The following RNF32 variants were observed in gnomAD, a reference collection of about 807,000 sequenced individuals.
The protein encoded by RNF32 is ring finger protein 32.
A neutral mutation model predicts 41.0 loss-of-function variants in RNF32; 36 were observed. That is an observed-to-expected ratio of 0.88 (90% CI 0.67 to 1.16). The LOEUF (loss-of-function observed/expected upper bound fraction) is 1.16, where lower values mean the gene tolerates loss of function less well. Ranked by LOEUF, RNF32 falls within the 50% of genes most tolerant of loss-of-function variation. The pLI is 0.00. For missense variants in RNF32, 413 were observed against 436.7 expected, an observed-to-expected ratio of 0.95 and a Z score of 0.48; for synonymous variants, 154 against 160.9, an observed-to-expected ratio of 0.96 and a Z score of 0.32.
chr7:156,662,124 G>C (rs1800749443), intron 7 of RNF32, among the ~76,000 whole-genome samples: 1 of 152,168 alleles, frequency 6.6e-6, no homozygotes, highest in African/African-American at 2.4e-5. Context: ...GTAGGTAGTA[G>C]GTGCCTATAT....
chr7:156,667,761 T>C (rs1030362715), intron 7 of RNF32, among the ~76,000 whole-genome samples: 2 of 152,206 alleles, frequency 1.3e-5, no homozygotes, highest in African/African-American at 4.8e-5. Context: ...TTGATTTGAC[T>C]TCTAAAAGTA....
intron 2 of RNF32, among the ~76,000 whole-genome samples, chr7:156,644,258 T>C (rs1375955123): frequency 1.3e-5 from 2 of 152,238 alleles, no homozygotes; most frequent in Non-Finnish European, 2.9e-5. Context: ...TTATGGGTCA[T>C]AATGAATTTA....
chr7:156,641,756 G>A (rs1797356956), intron 1 of RNF32, among the ~76,000 whole-genome samples: 1 of 152,196 alleles, frequency 6.6e-6, no homozygotes, highest in African/African-American at 2.4e-5. Context: ...CAGGTTATAG[G>A]CATTTTGGAA....
chr7:156,674,294 G>A (rs1803304414), intron 7 of RNF32, among the ~76,000 whole-genome samples: 1 of 152,198 alleles, frequency 6.6e-6, no homozygotes, highest in African/African-American at 2.4e-5. Context: ...AGAGACATGA[G>A]CCACGTCCAT....
intron 7 of RNF32, among the ~76,000 whole-genome samples, chr7:156,662,754 GGAAA>G (rs564068002): frequency 2.3e-4 from 35 of 151,592 alleles, no homozygotes; most frequent in African/African-American, 6.3e-4. Flanking sequence ...TAGCAAACGT[GGAAA>G]GAAATTTAAA....
At chr7:156,673,150 T>C (rs1412202256) in intron 7 of RNF32, among the ~76,000 whole-genome samples, 2 of 152,222 alleles carry the variant, frequency 1.3e-5, no homozygotes, top group Non-Finnish European at 1.5e-5. Context: ...TGTCCAAAAC[T>C]AATCTCAGAA....
At chr7:156,648,997 C>A (rs1318235842) in intron 3 of RNF32, among the ~76,000 whole-genome samples, 3 of 152,124 alleles carry the variant, frequency 2.0e-5, no homozygotes, top group Non-Finnish European at 4.4e-5. Flanking sequence ...TTAGATGTCA[C>A]CACAGTTTGT....
At chr7:156,644,030 T>G (rs1268075160) in intron 2 of RNF32, 138 bp downstream of exon 2, 2 of 729,030 alleles carry the variant, frequency 2.7e-6, no homozygotes, top group Non-Finnish European at 4.7e-6. Flanking sequence ...CGATGCCAAG[T>G]GTCGCATGGG....
chr7:156,652,267 G>A (rs544540159), intron 3 of RNF32, among the ~76,000 whole-genome samples: 1 of 151,610 alleles, frequency 6.6e-6, no homozygotes. Flanking sequence ...CTGTTTTTTT[G>A]AGTCTGCTTT....
intron 4 of RNF32, among the ~76,000 whole-genome samples, chr7:156,656,674 C>T (rs568142195): frequency 2.0e-5 from 3 of 152,332 alleles, no homozygotes; most frequent in Admixed American, 1.3e-4. Context: ...CATCCTGGGC[C>T]GGCTGAGATT....
intron 7 of RNF32, among the ~76,000 whole-genome samples, chr7:156,666,748 G>A (rs1468325828): frequency 6.6e-6 from 1 of 152,142 alleles, no homozygotes; most frequent in Non-Finnish European, 1.5e-5. Context: ...ACCTAGCACC[G>A]GTGTGTACAG....
chr7:156,657,192 C>A (rs1260607693), intron 4 of RNF32, among the ~76,000 whole-genome samples: 1 of 152,156 alleles, frequency 6.6e-6, no homozygotes, highest in Non-Finnish European at 1.5e-5. Flanking sequence ...TTTCCCTGGC[C>A]CCACTGGACA....
chr7:156,657,700 AAAG>A, intron 5 of RNF32, 127 bp downstream of exon 5: 1 of 889,318 alleles, frequency 1.1e-6, no homozygotes, highest in Non-Finnish European at 1.9e-6. Flanking sequence ...ATCTATAGTT[AAAG>A]AAACATGACT....
intron 1 of RNF32, chr7:156,641,104 G>A (rs1394023720): frequency 6.6e-6 from 1 of 152,478 alleles, no homozygotes; most frequent in Non-Finnish European, 1.5e-5. Context: ...AACCCGGTAG[G>A]ACCGGCTGCC....
rs759690595 is a variant in RNF32, at chr7:156,676,668, G to A, written c.*13G>A. 6.2e-7 allele frequency: 1 copy of A among 1,601,680 alleles called. No homozygotes were observed. The highest frequency in any genetic ancestry group is 8.6e-7 in the Non-Finnish European group (1 of 1,169,534). ...TCTTGAATGTTGAATTCATAGTCAA[G>A]GAAAGTTAGGTAATTCTGAGGAAAA... is the stretch of plus-strand genomic sequence containing the variant. On this transcript the variant is annotated 3_prime_UTR_variant, in exon 9 of 9. Transcript: ENST00000317955.
intron 8 of RNF32, chr7:156,676,113 C>A: frequency 1.2e-6 from 1 of 835,916 alleles, no homozygotes; most frequent in Non-Finnish European, 1.8e-6. Flanking sequence ...TAGGACTTTC[C>A]TCATGGGCTT....
At chr7:156,659,515 T>C (rs757414363) in intron 7 of RNF32, 1 of 985,200 alleles carries the variant, frequency 1.0e-6, no homozygotes, top group African/African-American at 1.7e-5. Context: ...TGGGCTACTC[T>C]TAGTAATTTC....
At chr7:156,667,617 A>G (rs1314285658) in intron 7 of RNF32, among the ~76,000 whole-genome samples, 2 of 152,232 alleles carry the variant, frequency 1.3e-5, no homozygotes, top group Admixed American at 6.5e-5. Flanking sequence ...AAGGTCATCT[A>G]ACCCACATAA....
intron 5 of RNF32, 111 bp downstream of exon 5, chr7:156,657,684 AC>A: frequency 1.0e-6 from 1 of 956,420 alleles, no homozygotes; most frequent in South Asian, 1.3e-5. Context: ...TTTATTCATC[AC>A]CACCATCTAT....
Sources: allele counts gnomAD v4.1 joint callset (sites outside exome capture counted in the v4.1 genomes callset), GRCh38; gene constraint gnomAD v4.1.1; transcripts MANE v1.5; gene names NCBI Gene and HGNC (gene_info 2026-07-23, HGNC 2026-07-21).